Variants in PC observed in about 807,000 individuals in gnomAD.
PC encodes pyruvate carboxylase, also known as pyruvate carboxylase, mitochondrial.
A neutral mutation model predicts 107.8 loss-of-function variants in PC; 46 were observed. The observed-to-expected ratio is 0.43, with a 90% confidence interval of 0.34 to 0.55. The LOEUF is 0.55. Among genes scored for constraint, PC ranks in the 20% least tolerant of loss-of-function variants. The probability of loss-of-function intolerance (pLI) is 0.04; values close to 1 mark genes in which losing one functional copy is unlikely to be tolerated. For missense variants in PC, 1,241 were observed against 1,643.1 expected (o/e 0.76, Z 4.23); for synonymous variants, 662 against 684.7 (o/e 0.97, Z 0.52).
At chr11:66,899,268 T>C (rs1947866880) in intron 3 of PC, among the ~76,000 whole-genome samples, 1 of 152,216 alleles carries the variant, frequency 6.6e-6, no homozygotes, top group South Asian at 2.1e-4. Context: ...ATCCGTGTTG[T>C]GGTGTGTGCC....
chr11:66,957,150 G>A (rs554890523), intron 1 of PC, among the ~76,000 whole-genome samples: 1 of 152,342 alleles, frequency 6.6e-6, no homozygotes, highest in African/African-American at 2.4e-5. Flanking sequence ...CTTGGGGGAG[G>A]CCAGCCAGGG....
At position 66,852,925 on chromosome 11, in the gene PC, G is replaced by A; in HGVS notation, c.1514-89C>T. 13 of 999,974 alleles carry A rather than the reference G, an allele frequency of 1.3e-5. No individual in the cohort carries two copies. In the South Asian group the frequency reaches 1.9e-4, roughly 15 times the overall value. The allele number at this position is 999,974 out of a possible 1,614,324, so 61.9% of individuals were successfully genotyped here. A position where few individuals can be genotyped will look rare whatever the true frequency, so the allele number is the denominator to read the frequency against. On this transcript the variant is annotated intron_variant, in intron 13 of 22. Transcript: ENST00000393960. This position sits in a 1 kb window ranked among gnomAD's most constrained non-coding sequence, Gnocchi z 4.7. ...GAGAGTGGCTGGGCTCAGGGACAGG[G>A]ACACATCCCTCCAGGATCCCCGGGC... is the stretch of plus-strand genomic sequence containing the variant.
At chr11:66,859,685 C>G in intron 12 of PC, 4 of 1,612,968 alleles carry the variant, frequency 2.5e-6, no homozygotes, top group Non-Finnish European at 3.4e-6. Context: ...ACCTCGTCCC[C>G]GGCGCTGACT....
chr11:66,850,391 G>C lies in PC; in HGVS notation c.2547C>G (p.Asp849Glu), dbSNP rs1945407063. 6.2e-7 allele frequency: 1 copy of C among 1,614,086 alleles called. No individual in the cohort carries two copies. The highest frequency in any genetic ancestry group is 8.5e-7 in the Non-Finnish European group (1 of 1,180,018). ...TGCCAGACTTCATGGTGGCCGTGCA[G>C]TCGAAGGCCGCGTACAGTCCCCGAG... ...EGARGLYAAF[D>E]CTATMKSGNS... The change falls in exon 19 of 23, where the codon GAC (aspartate) becomes GAG (glutamate). Residue 849 changes from aspartate to glutamate, a missense_variant. Asp to Glu is a conservative substitution (Grantham distance 45, BLOSUM62 2). This residue lies in a region of PC where 1,143 missense variants were observed against 1,551.9 expected (regional missense o/e 0.74). Transcript: ENST00000393960.
intron 3 of PC, among the ~76,000 whole-genome samples, chr11:66,926,323 C>A (rs1409525729): frequency 4.6e-5 from 7 of 152,138 alleles, no homozygotes; most frequent in Admixed American, 4.6e-4. Context: ...ACTAATGAAA[C>A]AGGAATAGCA....
At chr11:66,867,385 T>TA (rs1189868674) in intron 10 of PC, among the ~76,000 whole-genome samples, 7 of 151,930 alleles carry the variant, frequency 4.6e-5, no homozygotes, top group East Asian at 3.9e-4. Context: ...GACTATGTCT[T>TA]AAAAAAAACC....
intron 3 of PC, among the ~76,000 whole-genome samples, chr11:66,931,793 G>A (rs1043682308): frequency 2.6e-5 from 4 of 152,056 alleles, no homozygotes; most frequent in South Asian, 2.1e-4. Context: ...CAAGGCAGGT[G>A]GATCACAAGA....
chr11:66,859,607 C>G (rs766574016), intron 12 of PC: 2 of 1,611,920 alleles, frequency 1.2e-6, no homozygotes, highest in East Asian at 4.5e-5. Context: ...ACCCCAGCCC[C>G]GGGCTCTGAC....
chr11:66,946,676 C>A (rs1048726207), intron 3 of PC, among the ~76,000 whole-genome samples: 1 of 152,012 alleles, frequency 6.6e-6, no homozygotes, highest in African/African-American at 2.4e-5. Flanking sequence ...ATGGTCCCAG[C>A]TACTCAAGAG....
At chr11:66,941,530 C>G (rs933792549) in intron 3 of PC, among the ~76,000 whole-genome samples, 1 of 152,146 alleles carries the variant, frequency 6.6e-6, no homozygotes, top group East Asian at 1.9e-4. Flanking sequence ...CTTGCTCTGT[C>G]GCCCAGGCTG....
intron 3 of PC, among the ~76,000 whole-genome samples, chr11:66,914,511 CAA>C (rs11370760): frequency 7.0e-6 from 1 of 142,138 alleles, no homozygotes; most frequent in Non-Finnish European, 1.5e-5. Context: ...AACTCTGTCT[CAA>C]AAAAAAAAAA....
intron 3 of PC, among the ~76,000 whole-genome samples, chr11:66,901,243 C>G (rs1277321044): frequency 2.0e-5 from 3 of 152,162 alleles, no homozygotes; most frequent in African/African-American, 4.8e-5. Context: ...ACCTGGGCTC[C>G]CTTCCTGGCT....
intron 1 of PC, among the ~76,000 whole-genome samples, chr11:66,956,799 T>C (rs899506684): frequency 6.6e-6 from 1 of 152,206 alleles, no homozygotes; most frequent in African/African-American, 2.4e-5. Context: ...TACTGGCCTC[T>C]ACTGAACTTC....
At chr11:66,945,890 T>G (rs1591314149) in intron 3 of PC, among the ~76,000 whole-genome samples, 1 of 144,702 alleles carries the variant, frequency 6.9e-6, no homozygotes, top group Non-Finnish European at 1.5e-5. Context: ...ATCGAGACCA[T>G]CCTGGCTAAC....
In PC at chr11:66,951,081, C is replaced by T. The variant is rs554730991; in HGVS notation, c.-1+1349G>A. Among the ~76,000 whole-genome samples, 9 of 152,122 alleles carry T rather than the reference C, an allele frequency of 5.9e-5. No individual in the cohort carries two copies. The South Asian group carries it at 1.5e-3, about 25-fold the overall frequency. Reference sequence around the variant, plus strand: ...AAGACCTAGCTCCAAGGGAGGACTGCGGGAAATCTCACACAGGAAACCAGC... The same window carrying T: ...AAGACCTAGCTCCAAGGGAGGACTGTGGGAAATCTCACACAGGAAACCAGC... On this transcript the variant is annotated intron_variant, in intron 3 of 22. Transcript: ENST00000393960.
chr11:66,871,782 G>C lies in PC; in HGVS notation c.226C>G (p.His76Asp). Residue 76 changes from histidine (H) to aspartate (D), a missense_variant, in exon 5 of 23, where the codon CAC becomes GAC. Around this residue, in one of 2 missense-constraint regions of PC, gnomAD observed 1,143 missense variants for 1,551.9 expected, o/e 0.74. Transcript: ENST00000393960. The surrounding 1 kb of genome is among the most constrained non-coding windows in gnomAD (Gnocchi z 7.4). ...IYSEQDTGQMHRQKADEAYLI... is the reference protein window; with the variant it reads ...IYSEQDTGQMDRQKADEAYLI... Reference sequence around the variant, plus strand: ...TAGGCTTCATCTGCTTTCTGCCGGTGCATCTGGCCCGTGTCCTGCTCAGAG... The same window carrying C: ...TAGGCTTCATCTGCTTTCTGCCGGTCCATCTGGCCCGTGTCCTGCTCAGAG... 1 of 1,604,590 alleles carries C rather than the reference G, an allele frequency of 6.2e-7. No individual in the cohort carries two copies. Among genetic ancestry groups the C allele is most frequent in the Non-Finnish European group, 8.5e-7 (1 of 1,176,842 alleles).
In PC at chr11:66,852,057, CA is replaced by C. The variant is rs1565214518; in HGVS notation, c.1826-112del. The C allele has an allele frequency of 9.2e-7, 1 of 1,088,548 alleles. No homozygotes were observed. Among genetic ancestry groups the C allele is most frequent in the African/African-American group, 1.6e-5 (1 of 64,170 alleles). The allele number at this position is 1,088,548 out of a possible 1,614,324, so 67.4% of individuals were successfully genotyped here. The stretch of plus-strand genomic sequence containing the variant: ...TCTGGCCCCAATACCAGGTCCTGCT[CA>C]TCTTCGCCATACCTGTGTTCCCTGC... On this transcript the variant is annotated intron_variant, in intron 15 of 22. Coordinates refer to ENST00000393960, the MANE Select transcript of PC (RefSeq NM_001040716.2). This position sits in a 1 kb window ranked among gnomAD's most constrained non-coding sequence, Gnocchi z 4.7.
chr11:66,896,799 C>T (rs895922689), intron 3 of PC, among the ~76,000 whole-genome samples: 6 of 152,214 alleles, frequency 3.9e-5, no homozygotes, highest in Non-Finnish European at 7.3e-5. Flanking sequence ...AGATGAGAAG[C>T]GTCCGCCTAT....
chr11:66,870,680 G>C lies in PC; in HGVS notation c.751+95C>G. ...TGGAAAAGCGCCCGACAGGCCCCAG[G>C]GCTGTCCCCAAGGCCAGCCACTGTG... On this transcript the variant is annotated intron_variant, in intron 8 of 22. Transcript: ENST00000393960. This position sits in a 1 kb window ranked among gnomAD's most constrained non-coding sequence, Gnocchi z 6.1. 3 of 1,312,696 alleles carry C rather than the reference G, an allele frequency of 2.3e-6. No homozygotes were observed. The highest frequency in any genetic ancestry group is 3.3e-6 in the Non-Finnish European group (3 of 918,094). The allele number at this position is 1,312,696 out of a possible 1,614,324, so 81.3% of individuals were successfully genotyped here. A position where few individuals can be genotyped will look rare whatever the true frequency, so the allele number is the denominator to read the frequency against.
Sources: gnomAD v4.1 joint callset for allele counts (sites outside exome capture counted in the v4.1 genomes callset) on GRCh38, gnomAD v4.1.1 for gene constraint, gnomAD v4.1.1 regional missense constraint, Gnocchi (gnomAD v3.1) non-coding constraint, MANE v1.5 for transcripts, NCBI Gene and HGNC (gene_info 2026-07-23, HGNC 2026-07-21) for gene names.